The following ARCN1 variants were observed in gnomAD, a reference collection of about 807,000 sequenced individuals.
The protein encoded by ARCN1 is archain 1 coat protein complex I subunit delta, also known as coatomer subunit delta.
ARCN1 carries 5 observed loss-of-function variants against 60.4 expected under a neutral mutation model. The ratio of observed to expected loss-of-function variants is 0.08; its 90% CI spans 0.04 to 0.17. The LOEUF (loss-of-function observed/expected upper bound fraction) is 0.17. Among genes scored for constraint, ARCN1 ranks in the 10% least tolerant of loss-of-function variants. ARCN1 has a pLI of 1.00. For synonymous variants in ARCN1, 224 were observed against 220.0 expected, an observed-to-expected ratio of 1.02 and a Z score of -0.16; for missense variants, 464 against 626.5, an observed-to-expected ratio of 0.74 and a Z score of 2.77.
intron 5 of ARCN1, among the ~76,000 whole-genome samples, chr11:118,587,758 GAC>G (rs1938810135): frequency 6.6e-6 from 1 of 152,150 alleles, no homozygotes; most frequent in East Asian, 1.9e-4. Flanking sequence ...AGTCCCCCAA[GAC>G]TGATTCTTCC....
chr11:118,584,760 T>A, intron 5 of ARCN1, 116 bp downstream of exon 5: 2 of 998,982 alleles, frequency 2.0e-6, no homozygotes, highest in African/African-American at 3.4e-5. Flanking sequence ...GTTCCTGATT[T>A]AAAAGATTTA....
intron 5 of ARCN1, among the ~76,000 whole-genome samples, 189 bp downstream of exon 5, chr11:118,584,833 T>C (rs566491416): frequency 6.6e-6 from 1 of 152,214 alleles, no homozygotes; most frequent in South Asian, 2.1e-4. Context: ...TTTATTTACT[T>C]ATTTTTTTTT....
At chr11:118,588,962 G>A (rs1938835524) in intron 5 of ARCN1, among the ~76,000 whole-genome samples, 1 of 152,084 alleles carries the variant, frequency 6.6e-6, no homozygotes, top group African/African-American at 2.4e-5. Context: ...AGGTTGCAGT[G>A]AGCCGAGATC....
chr11:118,581,933 G>C (rs74420853), intron 2 of ARCN1, among the ~76,000 whole-genome samples: 14,807 of 131,698 alleles, frequency 0.11, 1,328 homozygotes, highest in East Asian at 0.46. Flanking sequence ...CAGACAGACA[G>C]ACAGACACAC....
At chr11:118,579,173 A>G (rs576320155) in intron 1 of ARCN1, among the ~76,000 whole-genome samples, 34 of 152,130 alleles carry the variant, frequency 2.2e-4, no homozygotes, top group African/African-American at 7.5e-4. Context: ...TAGAAGAACA[A>G]AACTAGAAAA....
In ARCN1 at chr11:118,582,104, A is replaced by C. The variant is rs116501037; in HGVS notation, c.267+595A>C. On this transcript the variant is annotated intron_variant, in intron 2 of 9. Coordinates refer to ENST00000264028, the MANE Select transcript of ARCN1 (RefSeq NM_001655.5). ...AGGCCAGGAGTTCAAGTGCACAGGC[A>C]TTATACTTTAGTGTGGGCAACACAG... 6.8e-3 allele frequency among the ~76,000 whole-genome samples: 1,042 copies of C among 152,188 alleles called. 12 individuals carry two copies. Among genetic ancestry groups the C allele is most frequent in the African/African-American group, 0.022 (932 of 41,516 alleles).
At chr11:118,578,770 C>T (rs1487539205) in intron 1 of ARCN1, among the ~76,000 whole-genome samples, 1 of 151,236 alleles carries the variant, frequency 6.6e-6, no homozygotes, top group Non-Finnish European at 1.5e-5. Context: ...TGGCCGGATG[C>T]TGTGGCTCAC....
At chr11:118,599,452 G>C (rs781967723) in intron 9 of ARCN1, among the ~76,000 whole-genome samples, 29 of 151,146 alleles carry the variant, frequency 1.9e-4, no homozygotes, top group Non-Finnish European at 3.5e-4. Context: ...GTTTTGAGAC[G>C]GAGTCTTGCT....
At chr11:118,572,717 G>C in intron 1 of ARCN1, 167 bp downstream of exon 1, 1 of 716,124 alleles carries the variant, frequency 1.4e-6, no homozygotes. Flanking sequence ...CGGTCTCCTG[G>C]AGATCCGATG....
At chr11:118,579,429 T>C (rs782131286) in intron 1 of ARCN1, among the ~76,000 whole-genome samples, 2 of 151,222 alleles carry the variant, frequency 1.3e-5, no homozygotes, top group Non-Finnish European at 2.9e-5. Context: ...CTCAGCACTT[T>C]GGGAGGCCGA....
chr11:118,580,939 C>T (rs553160760), intron 1 of ARCN1, among the ~76,000 whole-genome samples: 2 of 152,196 alleles, frequency 1.3e-5, no homozygotes, highest in Non-Finnish European at 2.9e-5. Context: ...TCAAGACCAG[C>T]CTGGGAAACA....
At chr11:118,584,982 C>T (rs574374282) in intron 5 of ARCN1, among the ~76,000 whole-genome samples, 10 of 151,974 alleles carry the variant, frequency 6.6e-5, no homozygotes, top group East Asian at 3.9e-4. Context: ...CCCACCCCTA[C>T]GCCCGGCTAA....
At chr11:118,576,127 T>C (rs1351279316) in intron 1 of ARCN1, among the ~76,000 whole-genome samples, 4 of 152,078 alleles carry the variant, frequency 2.6e-5, no homozygotes, top group African/African-American at 7.2e-5. Context: ...ACATAATTAG[T>C]GGCAAAGGCA....
chr11:118,582,338 C>A (rs1371709208), intron 2 of ARCN1, among the ~76,000 whole-genome samples: 1 of 152,016 alleles, frequency 6.6e-6, no homozygotes, highest in Admixed American at 6.6e-5. Flanking sequence ...CCATGTTGGC[C>A]AGGCTGGTCT....
chr11:118,590,574 G>A lies in ARCN1; in HGVS notation c.984+68G>A, dbSNP rs1938882496. ...CCTATTATAGTCTTTCTCAACTAGA[G>A]TTCCCAATATGAACCACAGAAAATT... On this transcript the variant is annotated intron_variant, in intron 6 of 9. Transcript: ENST00000264028. 4 of 1,513,652 alleles carry A rather than the reference G, an allele frequency of 2.6e-6. No homozygotes were observed. In the South Asian group the frequency reaches 3.6e-5, roughly 14 times the overall value. The allele number at this position is 1,513,652 out of a possible 1,614,324, so 93.8% of individuals were successfully genotyped here.
intron 1 of ARCN1, among the ~76,000 whole-genome samples, chr11:118,575,946 G>C (rs1240705742): frequency 6.6e-6 from 1 of 151,102 alleles, no homozygotes; most frequent in African/African-American, 2.4e-5. Flanking sequence ...TAAAATGGAA[G>C]TATTGTACAT....
chr11:118,590,402 A>C lies in ARCN1; in HGVS notation c.880A>C (p.Asn294His). The C allele has an allele frequency of 6.2e-7, 1 of 1,614,170 alleles. No individual in the cohort carries two copies. Among genetic ancestry groups the C allele is most frequent in the Non-Finnish European group, 8.5e-7 (1 of 1,179,976 alleles). Residue 294 changes from asparagine (N) to histidine (H), a missense_variant, in exon 6 of 10, where the codon AAT becomes CAT. Coordinates refer to ENST00000264028, the MANE Select transcript of ARCN1 (RefSeq NM_001655.5). ...CTGTGGACGAGACGGAGGATTACAG[A>C]ATATGGAGTTGCATGGCATGATCAT... ...LTCGRDGGLQ[N>H]MELHGMIMLR... is the part of the protein sequence containing the mutation.
intron 5 of ARCN1, among the ~76,000 whole-genome samples, chr11:118,586,539 T>C (rs906096978): frequency 1.2e-4 from 18 of 152,112 alleles, no homozygotes; most frequent in African/African-American, 4.3e-4. Flanking sequence ...TAAAAAGATA[T>C]TCCTGAGTGC....
At chr11:118,578,156 T>A (rs1051151826) in intron 1 of ARCN1, among the ~76,000 whole-genome samples, 1 of 142,042 alleles carries the variant, frequency 7.0e-6, no homozygotes, top group Non-Finnish European at 1.5e-5. Flanking sequence ...AGTGAGACAC[T>A]CTCTCAAAAA....
Sources: allele counts gnomAD v4.1 joint callset (sites outside exome capture counted in the v4.1 genomes callset), GRCh38; gene constraint gnomAD v4.1.1; transcripts MANE v1.5; gene names NCBI Gene and HGNC (gene_info 2026-07-23, HGNC 2026-07-21).